MAPKAP1: variants seen among roughly 807,000 people sequenced by gnomAD.
MAPKAP1 encodes MAPK associated protein 1.
MAPKAP1 carries 20 observed loss-of-function variants against 65.7 expected under a neutral mutation model. That is an observed-to-expected ratio of 0.30 (90% CI 0.21 to 0.44). The LOEUF is 0.44. Among genes scored for constraint, MAPKAP1 ranks in the 20% least tolerant of loss-of-function variants. The probability of loss-of-function intolerance (pLI) is 1.00; values close to 1 mark genes in which losing one functional copy is unlikely to be tolerated. For missense variants in MAPKAP1, 423 were observed against 648.0 expected, an observed-to-expected ratio of 0.65 and a Z score of 3.77; for synonymous variants, 222 against 244.3, an observed-to-expected ratio of 0.91 and a Z score of 0.85.
intron 1 of MAPKAP1, among the ~76,000 whole-genome samples, chr9:125,677,291 A>C (rs1032749034): frequency 6.6e-6 from 1 of 152,116 alleles, no homozygotes; most frequent in African/African-American, 2.4e-5. Context: ...TACAAAAATT[A>C]GCTGGGCGAG....
At chr9:125,604,528 C>T (rs2131617236) in intron 4 of MAPKAP1, among the ~76,000 whole-genome samples, 1 of 152,348 alleles carries the variant, frequency 6.6e-6, no homozygotes, top group South Asian at 2.1e-4. Context: ...CTAAGAGCTG[C>T]ACAATTTCCT....
intron 8 of MAPKAP1, among the ~76,000 whole-genome samples, chr9:125,491,000 T>C (rs914969367): frequency 6.6e-6 from 1 of 151,924 alleles, no homozygotes; most frequent in African/African-American, 2.4e-5. Flanking sequence ...TAGCTGAGGA[T>C]GGCGGGGCAT....
chr9:125,593,625 G>A (rs1185924595), intron 4 of MAPKAP1, among the ~76,000 whole-genome samples: 1 of 152,062 alleles, frequency 6.6e-6, no homozygotes, highest in Non-Finnish European at 1.5e-5. Flanking sequence ...TCATGCCACT[G>A]CACTTCTGCC....
intron 3 of MAPKAP1, among the ~76,000 whole-genome samples, chr9:125,662,260 T>C (rs947343988): frequency 6.6e-6 from 1 of 152,140 alleles, no homozygotes; most frequent in Non-Finnish European, 1.5e-5. Context: ...CATGTGCCTG[T>C]AGTCCCAGCT....
chr9:125,485,089 G>A (rs970308787), intron 8 of MAPKAP1, among the ~76,000 whole-genome samples: 4 of 152,124 alleles, frequency 2.6e-5, no homozygotes, highest in Admixed American at 2.6e-4. Context: ...CTGAGCCATT[G>A]GTACTGATAT....
At chr9:125,594,012 G>A (rs961097821) in intron 4 of MAPKAP1, among the ~76,000 whole-genome samples, 1 of 152,122 alleles carries the variant, frequency 6.6e-6, no homozygotes, top group Non-Finnish European at 1.5e-5. Flanking sequence ...ACGCAAGCTA[G>A]GAATCCTAAT....
chr9:125,519,364 G>A (rs939694576), intron 7 of MAPKAP1, among the ~76,000 whole-genome samples: 2 of 152,094 alleles, frequency 1.3e-5, no homozygotes, highest in African/African-American at 4.8e-5. Flanking sequence ...AGCTGGGTGC[G>A]GTTGCTCGTG....
In MAPKAP1 at chr9:125,443,784, T is replaced by C. The variant is rs185521760; in HGVS notation, c.1443+717A>G. 3.6e-3 allele frequency among the ~76,000 whole-genome samples: 545 copies of C among 150,212 alleles called. 5 individuals carry two copies. Among genetic ancestry groups the C allele is most frequent in the African/African-American group, 0.013 (526 of 40,938 alleles). On this transcript the variant is annotated intron_variant, in intron 11 of 11. Transcript: ENST00000265960. ...CTGCCTGTCTGTGGTGCTTCCTCTCTCTTTACCTGGTCAACATCTGTGCCT... is the reference window on the plus strand; with the variant it reads ...CTGCCTGTCTGTGGTGCTTCCTCTCCCTTTACCTGGTCAACATCTGTGCCT...
At chr9:125,482,613 T>C (rs1416489846) in intron 9 of MAPKAP1, among the ~76,000 whole-genome samples, 2 of 152,062 alleles carry the variant, frequency 1.3e-5, no homozygotes, top group African/African-American at 2.4e-5. Context: ...CATTCATAGG[T>C]TCTTGGAAAC....
intron 1 of MAPKAP1, among the ~76,000 whole-genome samples, chr9:125,690,476 C>T (rs1270593932): frequency 6.6e-6 from 1 of 152,202 alleles, no homozygotes; most frequent in Non-Finnish European, 1.5e-5. Flanking sequence ...ACCTGGCATT[C>T]GTGGTGGGAC....
At chr9:125,483,224 T>C (rs1357982398) in intron 9 of MAPKAP1, among the ~76,000 whole-genome samples, 1 of 152,172 alleles carries the variant, frequency 6.6e-6, no homozygotes, top group African/African-American at 2.4e-5. Context: ...TCAAGCAGGA[T>C]AGAATTGAGG....
chr9:125,539,562 C>T lies in MAPKAP1; in HGVS notation c.958+3497G>A, dbSNP rs558054684. Among the ~76,000 whole-genome samples, 167 of 152,266 alleles carry T rather than the reference C, an allele frequency of 1.1e-3. 2 individuals carry two copies. The highest frequency in any genetic ancestry group is 6.8e-3 in the Middle Eastern group (2 of 294). On this transcript the variant is annotated intron_variant, in intron 7 of 11. Coordinates refer to ENST00000265960, the MANE Select transcript of MAPKAP1 (RefSeq NM_001006617.3). ...AGGCTAGGAAGGGCTGATGGTTAAC[C>T]GCATTTTTAAATAACAACAAAGGTC... is the stretch of plus-strand genomic sequence containing the variant.
intron 9 of MAPKAP1, among the ~76,000 whole-genome samples, chr9:125,474,618 TC>T (rs1174131449): frequency 1.3e-5 from 2 of 152,182 alleles, no homozygotes; most frequent in Non-Finnish European, 2.9e-5. Context: ...TTTCCTATTG[TC>T]CCAGAGGAGA....
rs76390042 is a variant in MAPKAP1, at chr9:125,579,904, C to T, written c.671+5651G>A. 4.9e-3 allele frequency among the ~76,000 whole-genome samples: 751 copies of T among 152,258 alleles called. 4 individuals carry two copies. The highest frequency in any genetic ancestry group is 0.017 in the African/African-American group (710 of 41,542). ...AAATTTCAAAAGACCATGGTTTAGA[C>T]TCAATATAATCATGTAATTCGAAAT... On this transcript the variant is annotated intron_variant, in intron 5 of 11. Transcript: ENST00000265960.
chr9:125,703,680 G>C (rs1008996864), intron 1 of MAPKAP1, among the ~76,000 whole-genome samples: 2 of 151,006 alleles, frequency 1.3e-5, no homozygotes, highest in Non-Finnish European at 2.9e-5. Context: ...GCTGAGGCAA[G>C]AGAATCTCTT....
intron 1 of MAPKAP1, among the ~76,000 whole-genome samples, chr9:125,673,076 C>T (rs558973740): frequency 3.9e-5 from 6 of 152,202 alleles, no homozygotes; most frequent in Admixed American, 3.9e-4. Flanking sequence ...GTTTACATTT[C>T]CCCTCCTGTC....
At chr9:125,603,488 G>A (rs1296047050) in intron 4 of MAPKAP1, among the ~76,000 whole-genome samples, 1 of 152,170 alleles carries the variant, frequency 6.6e-6, no homozygotes. Flanking sequence ...ATCTCAGGTT[G>A]CAATTATCTG....
chr9:125,615,915 GAA>G (rs763540546), intron 4 of MAPKAP1, among the ~76,000 whole-genome samples: 3 of 105,176 alleles, frequency 2.9e-5, no homozygotes, highest in Non-Finnish European at 4.0e-5. Context: ...CTCCGTCTCA[GAA>G]AAAAAAAAAA....
At chr9:125,672,757 C>A in intron 1 of MAPKAP1, 114 bp from the exon 2 acceptor site, 1 of 669,164 alleles carries the variant, frequency 1.5e-6, no homozygotes, top group South Asian at 1.9e-5. Context: ...ACATTTATCC[C>A]TGTTCTGTGG....
Sources: gnomAD v4.1 joint callset for allele counts (sites outside exome capture counted in the v4.1 genomes callset) on GRCh38, gnomAD v4.1.1 for gene constraint, MANE v1.5 for transcripts, NCBI Gene and HGNC (gene_info 2026-07-23, HGNC 2026-07-21) for gene names.